MEOX2: variants seen among roughly 807,000 people sequenced by gnomAD.
MEOX2 encodes homeobox protein MOX-2.
In MEOX2, 11 loss-of-function variants were observed where a neutral mutation model predicts 27.0. That is an observed-to-expected ratio of 0.41 (90% CI 0.26 to 0.68). The LOEUF is 0.68. Among genes scored for constraint, MEOX2 ranks in the 30% least tolerant of loss-of-function variants. The pLI, the probability that MEOX2 is intolerant of heterozygous loss-of-function variation, is 0.33. For missense variants in MEOX2, 436 were observed against 385.4 expected (o/e 1.13, Z -1.10); for synonymous variants, 189 against 155.4 (o/e 1.22, Z -1.61).
intron 1 of MEOX2, among the ~76,000 whole-genome samples, chr7:15,682,365 T>C (rs1040629469): frequency 5.3e-5 from 8 of 151,818 alleles, no homozygotes; most frequent in African/African-American, 1.2e-4. Flanking sequence ...GAGTTTAAGT[T>C]CCAACTTATT....
intron 2 of MEOX2, among the ~76,000 whole-genome samples, chr7:15,617,088 G>A (rs1218553986): frequency 6.6e-6 from 1 of 151,940 alleles, no homozygotes; most frequent in Non-Finnish European, 1.5e-5. Context: ...ATAGAAAGTT[G>A]AATCTATATA....
At chr7:15,635,752 A>G (rs1285153805) in intron 1 of MEOX2, among the ~76,000 whole-genome samples, 2 of 152,078 alleles carry the variant, frequency 1.3e-5, no homozygotes, top group African/African-American at 4.8e-5. Context: ...AGTGACTAGC[A>G]GAGTTCCACT....
intron 1 of MEOX2, among the ~76,000 whole-genome samples, chr7:15,641,809 T>C (rs1781565075): frequency 6.6e-6 from 1 of 152,182 alleles, no homozygotes; most frequent in Admixed American, 6.5e-5. Context: ...TCTAGTCTCA[T>C]GGTGATAAAT....
intron 1 of MEOX2, among the ~76,000 whole-genome samples, chr7:15,667,461 C>T (rs1305779142): frequency 6.6e-6 from 1 of 151,952 alleles, no homozygotes; most frequent in Non-Finnish European, 1.5e-5. Flanking sequence ...TTTGGCTTCC[C>T]TATTGTACTG....
intron 1 of MEOX2, among the ~76,000 whole-genome samples, chr7:15,668,639 G>T (rs563789851): frequency 6.6e-6 from 1 of 151,876 alleles, no homozygotes; most frequent in East Asian, 1.9e-4. Flanking sequence ...CCACCACCAC[G>T]CTAATTTTGT....
chr7:15,630,259 C>T (rs1422307199), intron 1 of MEOX2, among the ~76,000 whole-genome samples: 1 of 152,028 alleles, frequency 6.6e-6, no homozygotes, highest in East Asian at 1.9e-4. Flanking sequence ...GCAATACTTC[C>T]GTGGAGGATA....
At chr7:15,674,721 A>G (rs1046253459) in intron 1 of MEOX2, among the ~76,000 whole-genome samples, 2 of 152,152 alleles carry the variant, frequency 1.3e-5, no homozygotes, top group African/African-American at 4.8e-5. Flanking sequence ...AGAATGGTCA[A>G]TGTTAGACTG....
intron 2 of MEOX2, among the ~76,000 whole-genome samples, chr7:15,614,139 C>T (rs1781083594): frequency 6.6e-6 from 1 of 150,992 alleles, no homozygotes. Context: ...ATTGTGTCTT[C>T]TTCTAAGAGT....
chr7:15,622,754 A>C (rs747246705), intron 2 of MEOX2, among the ~76,000 whole-genome samples: 2 of 152,140 alleles, frequency 1.3e-5, no homozygotes, highest in African/African-American at 2.4e-5. Context: ...CTATGGTCTA[A>C]ATATTTATGT....
chr7:15,684,536 A>T (rs1782347117), intron 1 of MEOX2, among the ~76,000 whole-genome samples: 1 of 152,200 alleles, frequency 6.6e-6, no homozygotes, highest in Non-Finnish European at 1.5e-5. Flanking sequence ...CCGTGAGAGA[A>T]GAATCCATCC....
At chr7:15,632,420 AAT>A (rs1322754721) in intron 1 of MEOX2, among the ~76,000 whole-genome samples, 2 of 151,730 alleles carry the variant, frequency 1.3e-5, no homozygotes, top group African/African-American at 4.8e-5. Context: ...CCTTTCCTAG[AAT>A]TTATTATTAT....
At chr7:15,627,513 A>C (rs2115360917) in intron 1 of MEOX2, among the ~76,000 whole-genome samples, 1 of 152,154 alleles carries the variant, frequency 6.6e-6, no homozygotes, top group African/African-American at 2.4e-5. Flanking sequence ...GGAATCTATA[A>C]ATGAAATTGT....
intron 1 of MEOX2, among the ~76,000 whole-genome samples, chr7:15,684,506 A>T (rs1239087714): frequency 1.3e-5 from 2 of 152,214 alleles, no homozygotes; most frequent in Admixed American, 6.5e-5. Context: ...ACCTTGGAAA[A>T]TAAAAGTTAG....
intron 1 of MEOX2, among the ~76,000 whole-genome samples, chr7:15,631,484 A>C (rs1308510732): frequency 1.3e-5 from 2 of 151,876 alleles, no homozygotes; most frequent in African/African-American, 4.8e-5. Flanking sequence ...ATTCCTGTTA[A>C]AGGCATTTAA....
chr7:15,637,386 T>C (rs73302475), intron 1 of MEOX2, among the ~76,000 whole-genome samples: 4,509 of 152,124 alleles, frequency 0.03, 225 homozygotes, highest in African/African-American at 0.1. Flanking sequence ...AGATATTAGA[T>C]AGCATTCAGT....
rs1321594102 is a variant in MEOX2, at chr7:15,686,353, T to C, written c.50A>G (p.Gln17Arg). Reference sequence around the variant, plus strand: ...GGATTGGGAGAACGGGTGCAAGCCTTGCGCCGTGGCGTGAGGGCTGCGCAG... The same window carrying C: ...GGATTGGGAGAACGGGTGCAAGCCTCGCGCCGTGGCGTGAGGGCTGCGCAG... ...GCLRSPHATAQGLHPFSQSSL... is the reference protein window; with the variant it reads ...GCLRSPHATARGLHPFSQSSL... Residue 17 changes from glutamine to arginine, a missense_variant, in exon 1 of 3, where the codon CAA (glutamine) becomes CGA (arginine). Physicochemically the swap from Gln to Arg is conservative, Grantham distance 43. Coordinates refer to ENST00000262041, the MANE Select transcript of MEOX2 (RefSeq NM_005924.5). The C allele has an allele frequency of 2.5e-6, 4 of 1,595,364 alleles. No individual in the cohort carries two copies. The highest frequency in any genetic ancestry group is 3.4e-6 in the Non-Finnish European group (4 of 1,170,430).
intron 1 of MEOX2, among the ~76,000 whole-genome samples, chr7:15,673,123 A>G (rs569482064): frequency 2.0e-5 from 3 of 152,294 alleles, no homozygotes; most frequent in Middle Eastern, 3.4e-3. Flanking sequence ...AATAGGATTT[A>G]CCAAGAACTG....
chr7:15,616,828 G>C (rs1781130818), intron 2 of MEOX2, among the ~76,000 whole-genome samples: 1 of 151,822 alleles, frequency 6.6e-6, no homozygotes, highest in African/African-American at 2.4e-5. Context: ...CCAGTAACCT[G>C]TACTGTGTTA....
At chr7:15,685,845 A>T (rs1452809683) in intron 1 of MEOX2, 41 bp downstream of exon 1, 9 of 1,542,328 alleles carry the variant, frequency 5.8e-6, no homozygotes, top group Non-Finnish European at 7.8e-6. Context: ...CCCCTTTTCC[A>T]GCCCGGCGCG....
Sources: gnomAD v4.1 joint callset for allele counts (sites outside exome capture counted in the v4.1 genomes callset) on GRCh38, gnomAD v4.1.1 for gene constraint, MANE v1.5 for transcripts, NCBI Gene and HGNC (gene_info 2026-07-23, HGNC 2026-07-21) for gene names.